The following RBFOX1 variants were observed in gnomAD, a reference collection of about 807,000 sequenced individuals.
RBFOX1 encodes the protein RNA binding fox-1 homolog 1.
RBFOX1 carries 8 observed loss-of-function variants against 57.7 expected under a neutral mutation model. That is an observed-to-expected ratio of 0.14 (90% CI 0.08 to 0.25). RBFOX1 has a LOEUF of 0.25. RBFOX1 is among the 10% of genes least tolerant of loss of function. RBFOX1 has a pLI of 1.00. For missense variants in RBFOX1, 611 were observed against 548.5 expected (o/e 1.11, Z -1.14); for synonymous variants, 326 against 222.4 (o/e 1.47, Z -4.15).
At chr16:7,388,644 C>CTTTTTTTT (rs61629644) in intron 4 of RBFOX1, among the ~76,000 whole-genome samples, 13 of 92,616 alleles carry the variant, frequency 1.4e-4, no homozygotes, top group African/African-American at 2.5e-4. Flanking sequence ...GTTTCACTTA[C>CTTTTTTTT]TTTTTTTTTT....
chr16:7,109,191 T>C (rs940183260), intron 4 of RBFOX1, among the ~76,000 whole-genome samples: 1 of 152,020 alleles, frequency 6.6e-6, no homozygotes, highest in Non-Finnish European at 1.5e-5. Flanking sequence ...AGTGGAAAAA[T>C]AGATAAAACA....
chr16:5,953,532 A>G (rs2059561715), intron 4 of RBFOX1, among the ~76,000 whole-genome samples: 1 of 151,940 alleles, frequency 6.6e-6, no homozygotes, highest in South Asian at 2.1e-4. Context: ...CCACTGGGTC[A>G]TTCTTATGCC....
chr16:6,191,331 A>G (rs531252719), intron 1 of RBFOX1, among the ~76,000 whole-genome samples: 26 of 152,144 alleles, frequency 1.7e-4, no homozygotes, highest in African/African-American at 5.3e-4. Context: ...GCTTTCTCCT[A>G]TAGCAGAAAT....
At chr16:6,743,419 T>C (rs1004197999) in intron 3 of RBFOX1, among the ~76,000 whole-genome samples, 1 of 152,184 alleles carries the variant, frequency 6.6e-6, no homozygotes, top group African/African-American at 2.4e-5. Context: ...GGCTGTGTTA[T>C]AAGAAGCACA....
At chr16:7,382,369 G>T (rs914789807) in intron 4 of RBFOX1, among the ~76,000 whole-genome samples, 15 of 151,860 alleles carry the variant, frequency 9.9e-5, no homozygotes, top group African/African-American at 3.6e-4. Context: ...ACTTTAAGCT[G>T]CTCTGGAATG....
At chr16:5,822,679 G>A (rs1362617501) in intron 3 of RBFOX1, among the ~76,000 whole-genome samples, 1 of 152,168 alleles carries the variant, frequency 6.6e-6, no homozygotes, top group Non-Finnish European at 1.5e-5. Context: ...TTGTGTCTGT[G>A]GAATTATGTC....
intron 1 of RBFOX1, chr16:5,240,241 G>A: frequency 2.9e-6 from 2 of 687,134 alleles, no homozygotes; most frequent in Non-Finnish European, 5.2e-6. Context: ...CGGCGGGCGC[G>A]GAGTGACAGC....
chr16:5,411,130 A>G (rs2067010555), intron 1 of RBFOX1, among the ~76,000 whole-genome samples: 1 of 152,232 alleles, frequency 6.6e-6, no homozygotes, highest in Admixed American at 6.5e-5. Flanking sequence ...TCTTGGGCGG[A>G]GGCCAGAGGG....
chr16:7,512,856 TG>T (rs1423972111), intron 4 of RBFOX1, among the ~76,000 whole-genome samples: 1 of 152,266 alleles, frequency 6.6e-6, no homozygotes, highest in East Asian at 1.9e-4. Context: ...CCATTGGAAT[TG>T]CTGGCATATT....
chr16:6,367,170 T>C lies in RBFOX1; in HGVS notation c.-64+50113T>C, dbSNP rs183596641. Among the ~76,000 whole-genome samples, 708 of 152,328 alleles carry C rather than the reference T, an allele frequency of 4.6e-3. 7 individuals are homozygous for C. The highest frequency in any genetic ancestry group is 5.9e-3 in the Admixed American group (91 of 15,306). ...AAGTGAGAGCTTTGACGTCAGCACGTGGAACACATACACAGGTTATGCTGA... is the reference window on the plus strand; with the variant it reads ...AAGTGAGAGCTTTGACGTCAGCACGCGGAACACATACACAGGTTATGCTGA... On this transcript the variant is annotated intron_variant, in intron 2 of 15. Transcript: ENST00000550418.
At chr16:7,602,162 T>G (rs1279276911) in intron 9 of RBFOX1, among the ~76,000 whole-genome samples, 1 of 152,216 alleles carries the variant, frequency 6.6e-6, no homozygotes, top group Non-Finnish European at 1.5e-5. Context: ...CTTGGCCTTT[T>G]AACACCCAAT....
At chr16:7,198,852 T>C (rs1040268697) in intron 4 of RBFOX1, among the ~76,000 whole-genome samples, 2 of 152,190 alleles carry the variant, frequency 1.3e-5, no homozygotes, top group African/African-American at 2.4e-5. Context: ...ATTGAAACCA[T>C]AGCACACTAT....
At chr16:5,727,521 C>G (rs2052197598) in intron 3 of RBFOX1, among the ~76,000 whole-genome samples, 1 of 152,174 alleles carries the variant, frequency 6.6e-6, no homozygotes, top group Admixed American at 6.5e-5. Flanking sequence ...TTGCGTATTT[C>G]AAATGTACAA....
chr16:6,706,052 A>G (rs1206309750), intron 3 of RBFOX1, among the ~76,000 whole-genome samples: 3 of 152,168 alleles, frequency 2.0e-5, no homozygotes, highest in African/African-American at 4.8e-5. Flanking sequence ...TATAGGTTAG[A>G]TGGACAGAAT....
At position 6,359,853 on chromosome 16, in the gene RBFOX1, T is replaced by C. The variant is rs186070886; in HGVS notation, c.-64+42796T>C. Among the ~76,000 whole-genome samples the C allele has an allele frequency of 2.6e-5, 4 of 152,254 alleles. No individual in the cohort carries two copies. The East Asian group carries it at 7.7e-4, about 29-fold the overall frequency. ...TAAAAAAAATGCCCTCAAAACAACTTAATAGTATTTATAGAAATTATAAAG... is the reference window on the plus strand; with the variant it reads ...TAAAAAAAATGCCCTCAAAACAACTCAATAGTATTTATAGAAATTATAAAG... On this transcript the variant is annotated intron_variant, in intron 2 of 15. Transcript: ENST00000550418.
chr16:7,428,105 A>T (rs933343104), intron 4 of RBFOX1, among the ~76,000 whole-genome samples: 44 of 152,128 alleles, frequency 2.9e-4, no homozygotes, highest in African/African-American at 1.0e-3. Context: ...TGCATTTGTC[A>T]TTTCCTCCAA....
chr16:5,502,850 C>T (rs1324976531), intron 2 of RBFOX1, among the ~76,000 whole-genome samples: 1 of 152,162 alleles, frequency 6.6e-6, no homozygotes, highest in African/African-American at 2.4e-5. Flanking sequence ...ATAGCCAGGG[C>T]AGGGAGACCA....
chr16:7,308,565 C>G (rs1368113435), intron 4 of RBFOX1, among the ~76,000 whole-genome samples: 1 of 152,220 alleles, frequency 6.6e-6, no homozygotes, highest in Non-Finnish European at 1.5e-5. Flanking sequence ...ATTTTTCCCA[C>G]TTAATGATGA....
intron 4 of RBFOX1, among the ~76,000 whole-genome samples, chr16:7,220,026 A>G (rs1179034917): frequency 1.3e-5 from 2 of 152,188 alleles, no homozygotes; most frequent in Non-Finnish European, 2.9e-5. Context: ...TTAAGCCTTC[A>G]TTTTAAAATT....
Sources: gnomAD v4.1 joint callset for allele counts (sites outside exome capture counted in the v4.1 genomes callset) on GRCh38, gnomAD v4.1.1 for gene constraint, MANE v1.5 for transcripts, NCBI Gene and HGNC (gene_info 2026-07-23, HGNC 2026-07-21) for gene names.